SASH1: variants seen among roughly 807,000 people sequenced by gnomAD.
SASH1 encodes SAM and SH3 domain containing 1.
In SASH1, 44 loss-of-function variants were observed where a neutral mutation model predicts 125.2. The observed-to-expected ratio is 0.35, with a 90% confidence interval of 0.28 to 0.45. The LOEUF is 0.45. SASH1 is among the 20% of genes least tolerant of loss of function. SASH1 has a pLI of 1.00. For synonymous variants in SASH1, 639 were observed against 649.1 expected, an observed-to-expected ratio of 0.98 and a Z score of 0.24; for missense variants, 1,426 against 1,614.5, an observed-to-expected ratio of 0.88 and a Z score of 2.00.
rs138886160 is a variant in SASH1 at position 148,437,198 on chromosome 6, G to A, written c.286-2986G>A. Among the ~76,000 whole-genome samples the A allele has an allele frequency of 3.9e-3, 598 of 152,278 alleles. 1 individual carries two copies. The highest frequency in any genetic ancestry group is 6.4e-3 in the South Asian group (31 of 4,820). On this transcript the variant is annotated intron_variant, in intron 2 of 19. Transcript: ENST00000367467. Reference sequence around the variant, plus strand: ...TTATAATAACGGAATTTTGCCAATAGTTTATTCCATTTTTCTTTCTCCAAT... The same window carrying A: ...TTATAATAACGGAATTTTGCCAATAATTTATTCCATTTTTCTTTCTCCAAT...
chr6:148,218,610 A>G, the SASH1 span, among the ~76,000 whole-genome samples: 1 of 152,166 alleles, frequency 6.6e-6, no homozygotes, highest in Non-Finnish European at 1.5e-5. Flanking sequence ...TGGCAGAAGG[A>G]GAGCTGGTGC....
chr6:148,508,749 C>T (rs1049777967), intron 8 of SASH1: 2 of 1,253,400 alleles, frequency 1.6e-6, no homozygotes, highest in African/African-American at 3.2e-5. Context: ...TCCAGGAGTG[C>T]CTAATCTTAA....
At chr6:148,218,006 C>G in the SASH1 span, among the ~76,000 whole-genome samples, 2 of 145,142 alleles carry the variant, frequency 1.4e-5, no homozygotes, top group African/African-American at 5.1e-5. Context: ...AAGAATGAGA[C>G]TCTGTCTCAA....
intron 1 of SASH1, among the ~76,000 whole-genome samples, chr6:148,320,437 C>T (rs1320368056): frequency 6.6e-6 from 1 of 152,230 alleles, no homozygotes; most frequent in Admixed American, 6.5e-5. Flanking sequence ...TTTACTCCCT[C>T]TCTCCCTAAT....
At chr6:148,535,226 G>A (rs968010812) in intron 16 of SASH1, among the ~76,000 whole-genome samples, 2 of 152,188 alleles carry the variant, frequency 1.3e-5, no homozygotes, top group South Asian at 2.1e-4. Flanking sequence ...CTGTGCCGCC[G>A]CCACCTTTCC....
intron 4 of SASH1, among the ~76,000 whole-genome samples, chr6:148,460,135 C>T (rs1777547020): frequency 1.3e-5 from 2 of 152,142 alleles, no homozygotes; most frequent in Admixed American, 6.5e-5. Context: ...ATGTCTAATG[C>T]AATTAGCAGG....
chr6:148,402,266 G>A (rs893698222), intron 2 of SASH1, among the ~76,000 whole-genome samples: 7 of 152,156 alleles, frequency 4.6e-5, no homozygotes, highest in African/African-American at 1.4e-4. Flanking sequence ...AGTATGGGAA[G>A]GCGGTAATAA....
chr6:148,421,205 GAAAGAAAGAA>G lies in SASH1; in HGVS notation c.286-18967_286-18958del, dbSNP rs879400069. ...AGAAAGAAAGAAAGAAAGAAAGAAA[GAAAGAAAGAA>G]AAAGAAAGAAAGAAGGAAGTGACTA... is the stretch of plus-strand genomic sequence containing the variant. On this transcript the variant is annotated intron_variant, in intron 2 of 19. Coordinates refer to ENST00000367467, the MANE Select transcript of SASH1 (RefSeq NM_015278.5). Among the ~76,000 whole-genome samples the G allele has an allele frequency of 8.0e-3, 1,114 of 138,764 alleles. 12 individuals carry two copies. Among genetic ancestry groups the G allele is most frequent in the Non-Finnish European group, 0.014 (829 of 60,642 alleles). 91.0% of individuals were successfully genotyped at this position (138,764 alleles called of 152,430 possible).
chr6:148,526,365 G>C (rs1274689984), intron 11 of SASH1, among the ~76,000 whole-genome samples: 1 of 152,042 alleles, frequency 6.6e-6, no homozygotes, highest in Non-Finnish European at 1.5e-5. Context: ...CCGGCCTTTG[G>C]TGAGTCTTAC....
At chr6:148,299,671 G>GAAA (rs57758957) in intron 1 of SASH1, among the ~76,000 whole-genome samples, 2 of 114,978 alleles carry the variant, frequency 1.7e-5, no homozygotes, top group African/African-American at 6.5e-5. Flanking sequence ...CACCTCAAAA[G>GAAA]AAAAAAAAAA....
intron 1 of SASH1, among the ~76,000 whole-genome samples, chr6:148,333,574 G>A (rs1273120071): frequency 1.3e-5 from 2 of 151,244 alleles, no homozygotes; most frequent in African/African-American, 4.8e-5. Flanking sequence ...CGCTGTTGTT[G>A]TTGTTGAGAT....
At chr6:148,537,831 T>G (rs989931686) in intron 16 of SASH1, among the ~76,000 whole-genome samples, 8 of 132,600 alleles carry the variant, frequency 6.0e-5, no homozygotes, top group South Asian at 2.4e-4. Flanking sequence ...TGTGTGTGTG[T>G]GGTTGGTGAG....
chr6:148,324,118 C>CAGAAAAAAAAAAAAAAAAAAAAAAA (rs1780729864), intron 1 of SASH1, among the ~76,000 whole-genome samples: 1 of 59,426 alleles, frequency 1.7e-5, no homozygotes, highest in African/African-American at 7.1e-5. Flanking sequence ...GAATCTGTCT[C>CAGAAAAAAAAAAAAAAAAAAAAAAA]AAAAAAAAAA....
chr6:148,390,037 C>A, intron 1 of SASH1, 97 bp from the exon 2 acceptor site: 2 of 1,394,222 alleles, frequency 1.4e-6, no homozygotes, highest in Non-Finnish European at 9.8e-7. Context: ...AAATACCAAC[C>A]TTTATTACTA....
Position 148,433,406 on chromosome 6 carries a change from C to CTT in SASH1, c.286-6761_286-6760dup, listed in dbSNP as rs5880780. Among the ~76,000 whole-genome samples the CTT allele has an allele frequency of 2.2e-3, 277 of 128,002 alleles. 3 individuals are homozygous for CTT. Among genetic ancestry groups the CTT allele is most frequent in the African/African-American group, 7.4e-3 (252 of 33,992 alleles). The allele number at this position is 128,002 out of a possible 152,430, so 84.0% of individuals were successfully genotyped here. A position where few individuals can be genotyped will look rare whatever the true frequency, so the allele number is the denominator to read the frequency against. On this transcript the variant is annotated intron_variant, in intron 2 of 19. Coordinates refer to ENST00000367467, the MANE Select transcript of SASH1 (RefSeq NM_015278.5). ...GTATTAATACTTTTGTTTCTTTTTT[C>CTT]TTTTTTTTTTTTTTTTTTGAGACGG...
intron 1 of SASH1, among the ~76,000 whole-genome samples, chr6:148,289,534 C>T (rs534290643): frequency 5.3e-5 from 8 of 152,326 alleles, no homozygotes; most frequent in Admixed American, 2.6e-4. Flanking sequence ...TTTTTCTTCA[C>T]GGTAACCAAT....
intron 2 of SASH1, among the ~76,000 whole-genome samples, chr6:148,438,533 T>C (rs1253196992): frequency 6.6e-6 from 1 of 152,078 alleles, no homozygotes; most frequent in Non-Finnish European, 1.5e-5. Context: ...AGGAGGTTAA[T>C]GAGAGTTCTA....
At chr6:148,382,610 A>G (rs1783188420) in intron 1 of SASH1, among the ~76,000 whole-genome samples, 2 of 151,588 alleles carry the variant, frequency 1.3e-5, no homozygotes, top group African/African-American at 2.4e-5. Flanking sequence ...TTTTCCTGCT[A>G]TTTTTTTCCT....
intron 8 of SASH1, among the ~76,000 whole-genome samples, chr6:148,498,377 G>C (rs762458843): frequency 6.6e-6 from 1 of 151,828 alleles, no homozygotes; most frequent in East Asian, 1.9e-4. Context: ...CTCCAGCCTG[G>C]GTGGCAGAGC....
Sources: allele counts gnomAD v4.1 joint callset (sites outside exome capture counted in the v4.1 genomes callset), GRCh38; gene constraint gnomAD v4.1.1; transcripts MANE v1.5; gene names NCBI Gene and HGNC (gene_info 2026-07-23, HGNC 2026-07-21).